The following FBXO31 variants were observed in gnomAD, a reference collection of about 807,000 sequenced individuals.
FBXO31 encodes the protein F-box protein 31, also known as F-box only protein 31.
In FBXO31, 24 loss-of-function variants were observed where a neutral mutation model predicts 54.4. The ratio of observed to expected loss-of-function variants is 0.44; its 90% CI spans 0.32 to 0.62. The LOEUF (loss-of-function observed/expected upper bound fraction) is 0.62, where lower values mean the gene tolerates loss of function less well. Ranked by LOEUF, FBXO31 falls within the 20% of genes least tolerant of loss-of-function variation. The pLI is 0.05. For missense variants in FBXO31, 665 were observed against 787.1 expected (o/e 0.84, Z 1.86); for synonymous variants, 388 against 335.6 (o/e 1.16, Z -1.71).
At chr16:87,370,435 T>C (rs561425441) in intron 1 of FBXO31, among the ~76,000 whole-genome samples, 6 of 152,346 alleles carry the variant, frequency 3.9e-5, no homozygotes, top group African/African-American at 4.8e-5. Flanking sequence ...CTGGGGCAAC[T>C]TGGCAGGTGC....
chr16:87,382,799 A>G (rs1043771730), intron 1 of FBXO31, among the ~76,000 whole-genome samples: 1 of 151,984 alleles, frequency 6.6e-6, no homozygotes, highest in Non-Finnish European at 1.5e-5. Flanking sequence ...CGCCCGGCTA[A>G]TTTTTGTATT....
chr16:87,389,786 A>G (rs892777373), exon 1 of FBXO31: 1 of 152,208 alleles, frequency 6.6e-6, no homozygotes, highest in African/African-American at 2.4e-5. Flanking sequence ...GACTGTAGCC[A>G]TCTTCTGAAC....
At chr16:87,363,339 G>T (rs951862477) in intron 1 of FBXO31, among the ~76,000 whole-genome samples, 1 of 152,082 alleles carries the variant, frequency 6.6e-6, no homozygotes, top group Non-Finnish European at 1.5e-5. Context: ...AGCCAAGATC[G>T]CACCACTGCA....
At position 87,343,670 on chromosome 16, in the gene FBXO31, G is replaced by A. The variant is rs371416294; in HGVS notation, c.585C>T (p.His195=). The stretch of plus-strand genomic sequence containing the variant: ...CTGTGGCAGCCTTCCTCTCCATCAG[G>A]TGGATCCTGAACAGAGGCTTGAATC... The part of the protein sequence containing the change: ...PMRFKPLFRI[H]LMERKAATVE... The change falls in exon 4 of 9, where the codon CAC becomes CAT. Residue 195 remains histidine (H), a synonymous_variant. Coordinates refer to ENST00000311635, the MANE Select transcript of FBXO31 (RefSeq NM_024735.5). The A allele has an allele frequency of 3.2e-5, 51 of 1,614,138 alleles. No individual in the cohort carries two copies. Among genetic ancestry groups the A allele is most frequent in the Non-Finnish European group, 4.1e-5 (48 of 1,180,046 alleles).
rs370383158 is a variant in FBXO31 at position 87,341,643 on chromosome 16, G to A, written c.732+1234C>T. 6.8e-4 allele frequency among the ~76,000 whole-genome samples: 81 copies of A among 119,186 alleles called. 1 individual carries two copies. The highest frequency in any genetic ancestry group is 2.3e-3 in the Admixed American group (22 of 9,714). The allele number at this position is 119,186 out of a possible 152,430, so 78.2% of individuals were successfully genotyped here. A position where few individuals can be genotyped will look rare whatever the true frequency, so the allele number is the denominator to read the frequency against. ...TGCACTCCAGCCTGGGCAACAGAGCGAGACTCCGTCTCAAAAAAAAAAAAA... is the reference window on the plus strand; with the variant it reads ...TGCACTCCAGCCTGGGCAACAGAGCAAGACTCCGTCTCAAAAAAAAAAAAA... On this transcript the variant is annotated intron_variant, in intron 5 of 8. Coordinates refer to ENST00000311635, the MANE Select transcript of FBXO31 (RefSeq NM_024735.5).
At chr16:87,377,371 G>C (rs961606643) in intron 1 of FBXO31, among the ~76,000 whole-genome samples, 9 of 152,138 alleles carry the variant, frequency 5.9e-5, no homozygotes, top group Non-Finnish European at 1.2e-4. Flanking sequence ...ATTTACGCCG[G>C]AGAAGTCAAG....
intron 2 of FBXO31, among the ~76,000 whole-genome samples, chr16:87,353,984 T>C (rs868450781): frequency 2.6e-4 from 39 of 152,272 alleles, no homozygotes; most frequent in Middle Eastern, 3.2e-3. Flanking sequence ...CGGCCCCCGC[T>C]GTGCTCCCAC....
chr16:87,348,551 C>G (rs1199788607), intron 2 of FBXO31, among the ~76,000 whole-genome samples: 5 of 152,166 alleles, frequency 3.3e-5, no homozygotes, highest in Non-Finnish European at 5.9e-5. Flanking sequence ...CGGGTAGAGA[C>G]TACAGACCTG....
chr16:87,388,909 A>G (rs1907417096), intron 1 of FBXO31, among the ~76,000 whole-genome samples: 1 of 152,244 alleles, frequency 6.6e-6, no homozygotes, highest in Non-Finnish European at 1.5e-5. Flanking sequence ...TACATGGATT[A>G]TTACAGGGAA....
intron 5 of FBXO31, among the ~76,000 whole-genome samples, chr16:87,341,973 A>C (rs1905210388): frequency 6.6e-6 from 1 of 152,138 alleles, no homozygotes; most frequent in Non-Finnish European, 1.5e-5. Flanking sequence ...GCACTTTGGG[A>C]GGTCAAGGTG....
intron 2 of FBXO31, among the ~76,000 whole-genome samples, chr16:87,355,705 T>A (rs1206437892): frequency 1.3e-5 from 2 of 152,094 alleles, no homozygotes; most frequent in African/African-American, 4.8e-5. Flanking sequence ...TGGCGCTACA[T>A]CACAATAGGA....
At chr16:87,377,287 G>C (rs936608097) in intron 1 of FBXO31, among the ~76,000 whole-genome samples, 5 of 152,050 alleles carry the variant, frequency 3.3e-5, no homozygotes, top group African/African-American at 1.2e-4. Context: ...TCTATAAAAA[G>C]ATACAAAAAT....
At chr16:87,357,082 A>C (rs573034913) in intron 2 of FBXO31, among the ~76,000 whole-genome samples, 4 of 152,198 alleles carry the variant, frequency 2.6e-5, no homozygotes, top group African/African-American at 9.6e-5. Context: ...CCGTCACTAC[A>C]AAAAACTGAA....
intron 2 of FBXO31, among the ~76,000 whole-genome samples, chr16:87,351,874 C>T (rs567135611): frequency 6.6e-6 from 1 of 152,194 alleles, no homozygotes; most frequent in South Asian, 2.1e-4. Flanking sequence ...GTCTCAACAA[C>T]AACAAAAATA....
At chr16:87,374,160 C>T (rs551820254) in intron 1 of FBXO31, among the ~76,000 whole-genome samples, 1 of 151,654 alleles carries the variant, frequency 6.6e-6, no homozygotes, top group East Asian at 1.9e-4. Flanking sequence ...GAGGATTCCT[C>T]GAGCCTAGGA....
At chr16:87,366,331 T>C (rs1906367495) in intron 1 of FBXO31, among the ~76,000 whole-genome samples, 1 of 152,206 alleles carries the variant, frequency 6.6e-6, no homozygotes, top group African/African-American at 2.4e-5. Context: ...TCCTTGCAAT[T>C]TTTTAATAAA....
At chr16:87,353,813 G>A (rs13333133) in intron 2 of FBXO31, among the ~76,000 whole-genome samples, 1,787 of 150,884 alleles carry the variant, frequency 0.012, 8 homozygotes, top group Non-Finnish European at 0.017. Context: ...GCAGGGCCCC[G>A]GACACCTTGT....
chr16:87,371,823 G>A (rs1414095699), intron 1 of FBXO31, among the ~76,000 whole-genome samples: 2 of 152,312 alleles, frequency 1.3e-5, no homozygotes, highest in Non-Finnish European at 2.9e-5. Context: ...CTCAGGGAGT[G>A]TCCCATGACA....
intron 2 of FBXO31, among the ~76,000 whole-genome samples, chr16:87,348,774 A>G (rs1230201156): frequency 6.6e-6 from 1 of 152,188 alleles, no homozygotes; most frequent in Non-Finnish European, 1.5e-5. Flanking sequence ...CACCCGGGAC[A>G]CCCACCAGAG....
Sources: gnomAD v4.1 joint callset for allele counts (sites outside exome capture counted in the v4.1 genomes callset) on GRCh38, gnomAD v4.1.1 for gene constraint, MANE v1.5 for transcripts, NCBI Gene and HGNC (gene_info 2026-07-23, HGNC 2026-07-21) for gene names.